SSH1: variants seen among roughly 807,000 people sequenced by gnomAD.
SSH1 encodes the protein slingshot protein phosphatase 1, also known as protein phosphatase Slingshot homolog 1.
SSH1 carries 43 observed loss-of-function variants against 79.7 expected under a neutral mutation model. The observed-to-expected ratio is 0.54, with a 90% CI of 0.42 to 0.70. SSH1 has a LOEUF of 0.70. Among genes scored for constraint, SSH1 ranks in the 30% least tolerant of loss-of-function variants. The pLI is 0.00. For missense variants in SSH1, 1,206 were observed against 1,358.8 expected (o/e 0.89, Z 1.77); for synonymous variants, 599 against 538.3 (o/e 1.11, Z -1.56).
At position 108,800,972 on chromosome 12, in the gene SSH1, A is replaced by C. The variant is rs369026045; in HGVS notation, c.1002-46T>G. On this transcript the variant is annotated intron_variant, in intron 11 of 14. Transcript: ENST00000326495. ...GAAACAAATTTGGACAATCTGAATG[A>C]GAAAGAAAAGCAAGGTAATAAAAAC... The C allele has an allele frequency of 3.9e-4, 620 of 1,572,560 alleles. 1 individual carries two copies. Among genetic ancestry groups the C allele is most frequent in the Non-Finnish European group, 5.2e-4 (597 of 1,147,250 alleles).
At position 108,811,295 on chromosome 12, in the gene SSH1, C is replaced by T; in HGVS notation, c.435G>A (p.Leu145=). 1 of 1,614,244 alleles carries T rather than the reference C, an allele frequency of 6.2e-7. No individual in the cohort carries two copies. The highest frequency in any genetic ancestry group is 8.5e-7 in the Non-Finnish European group (1 of 1,180,036). The part of the protein sequence containing the change: ...KSCTIGMVLR[L]WSDTKIHLDG... The stretch of plus-strand genomic sequence containing the variant: ...CAAGGTGGATTTTCGTGTCGCTCCA[C>T]AGTCGGAGAACCATCCCAATGGTGC... Residue 145 remains leucine, a synonymous_variant, in exon 6 of 15, where the codon CTG becomes CTA. Coordinates refer to ENST00000326495, the MANE Select transcript of SSH1 (RefSeq NM_018984.4).
intron 2 of SSH1, among the ~76,000 whole-genome samples, chr12:108,836,217 C>T (rs992344712): frequency 6.6e-6 from 1 of 151,898 alleles, no homozygotes. Flanking sequence ...AGGTACCAGT[C>T]TGAACTCATA....
At chr12:108,832,719 CCT>C (rs1379343420) in intron 2 of SSH1, among the ~76,000 whole-genome samples, 1 of 152,138 alleles carries the variant, frequency 6.6e-6, no homozygotes, top group African/African-American at 2.4e-5. Context: ...TCACAAAGAC[CCT>C]GAGTTGGGCC....
intron 2 of SSH1, among the ~76,000 whole-genome samples, chr12:108,829,758 G>A (rs1162619822): frequency 6.6e-6 from 1 of 152,196 alleles, no homozygotes; most frequent in Non-Finnish European, 1.5e-5. Context: ...AGCCTCAGCA[G>A]AGTCTAATTC....
chr12:108,845,772 C>A (rs959745855), intron 2 of SSH1, among the ~76,000 whole-genome samples: 1 of 152,214 alleles, frequency 6.6e-6, no homozygotes, highest in East Asian at 1.9e-4. Context: ...GATACAGTAA[C>A]CTATGCACAC....
chr12:108,853,880 C>T (rs1005785755), intron 1 of SSH1, among the ~76,000 whole-genome samples: 4 of 151,140 alleles, frequency 2.6e-5, no homozygotes, highest in East Asian at 1.9e-4. Flanking sequence ...GCCGAGATTG[C>T]ACCACTGCAC....
intron 13 of SSH1, among the ~76,000 whole-genome samples, chr12:108,796,191 C>T (rs1315313924): frequency 2.6e-5 from 4 of 152,206 alleles, no homozygotes; most frequent in Non-Finnish European, 4.4e-5. Context: ...GCTGGGATTA[C>T]GGGCATGAGC....
chr12:108,804,312 G>A (rs2037165400), intron 10 of SSH1, among the ~76,000 whole-genome samples: 1 of 152,248 alleles, frequency 6.6e-6, no homozygotes, highest in Admixed American at 6.5e-5. Context: ...CATAGCCGCT[G>A]AGGCTGAGGA....
intron 2 of SSH1, among the ~76,000 whole-genome samples, chr12:108,829,525 A>T (rs904932343): frequency 1.3e-5 from 2 of 152,200 alleles, no homozygotes; most frequent in African/African-American, 4.8e-5. Flanking sequence ...AGCCAGCCCA[A>T]GCTCTGATAA....
At chr12:108,790,315 T>TA (rs2036449936) in intron 14 of SSH1, among the ~76,000 whole-genome samples, 1 of 152,198 alleles carries the variant, frequency 6.6e-6, no homozygotes, top group Non-Finnish European at 1.5e-5. Context: ...CACAGCCAGC[T>TA]AATTTAATAT....
At chr12:108,811,488 G>C in intron 5 of SSH1, 160 bp from the exon 6 acceptor site, 1 of 709,204 alleles carries the variant, frequency 1.4e-6, no homozygotes, top group Admixed American at 2.0e-5. Flanking sequence ...GAAGACACAG[G>C]TCTGGGATGG....
chr12:108,807,744 GCCCAGAT>G lies in SSH1; in HGVS notation c.613_619del (p.Ile205LeufsTer57). 1 of 1,613,518 alleles carries G rather than the reference GCCCAGAT, an allele frequency of 6.2e-7. No homozygotes were observed. The highest frequency in any genetic ancestry group is 8.5e-7 in the Non-Finnish European group (1 of 1,179,706). ...GCTGATGCAGCTCTCATAGTAGGTA[GCCCAGAT>G]GAGAGCTACACCCCCGGGGAAGTAG... On this transcript the variant is annotated frameshift_variant, in exon 8 of 15. Coordinates refer to ENST00000326495, the MANE Select transcript of SSH1 (RefSeq NM_018984.4). LOFTEE classifies it high-confidence loss of function. The surrounding 1 kb of genome is among the most constrained non-coding windows in gnomAD (Gnocchi z 5.2).
Position 108,857,472 on chromosome 12 carries a change from A to G in SSH1, c.25T>C (p.Ser9Pro). The G allele has an allele frequency of 8.8e-7, 1 of 1,132,914 alleles. No homozygotes were observed. The highest frequency in any genetic ancestry group is 1.1e-6 in the Non-Finnish European group (1 of 905,546). The allele number at this position is 1,132,914 out of a possible 1,614,324, so 70.2% of individuals were successfully genotyped here. A position where few individuals can be genotyped will look rare whatever the true frequency, so the allele number is the denominator to read the frequency against. MALVTLQR[S>P]PTPSAASSSA... ...GAGGAGGCGGCGCTGGGCGTGGGCG[A>G]GCGCTGCAGGGTCACCAGGGCCATG... is the stretch of plus-strand genomic sequence containing the variant. Residue 9 changes from serine to proline, a missense_variant, in exon 1 of 15, where the codon TCG (serine) becomes CCG (proline). This residue lies in a region of SSH1 where 100 missense variants were observed against 82.3 expected (regional missense o/e 1.21). Transcript: ENST00000326495. The surrounding 1 kb of genome is among the most constrained non-coding windows in gnomAD (Gnocchi z 4.7).
intron 3 of SSH1, among the ~76,000 whole-genome samples, chr12:108,818,896 G>C (rs1397496184): frequency 6.6e-6 from 1 of 152,192 alleles, no homozygotes; most frequent in Non-Finnish European, 1.5e-5. Context: ...TGGGATTACA[G>C]GTGCCCATCA....
intron 5 of SSH1, among the ~76,000 whole-genome samples, chr12:108,811,863 A>T (rs777431360): frequency 6.6e-6 from 1 of 152,176 alleles, no homozygotes; most frequent in Non-Finnish European, 1.5e-5. Context: ...AAACAGAGGG[A>T]AAGAAAGGGC....
At chr12:108,797,218 C>G (rs982141301) in intron 13 of SSH1, among the ~76,000 whole-genome samples, 1 of 152,152 alleles carries the variant, frequency 6.6e-6, no homozygotes, top group Non-Finnish European at 1.5e-5. Flanking sequence ...CCTCTGCCCC[C>G]TGGGCTCAAG....
intron 3 of SSH1, among the ~76,000 whole-genome samples, chr12:108,819,483 T>C (rs1261857601): frequency 6.6e-6 from 1 of 152,188 alleles, no homozygotes; most frequent in Non-Finnish European, 1.5e-5. Flanking sequence ...AGCTTACACA[T>C]TTTTCTTTAT....
At chr12:108,798,306 G>C (rs747866937) in intron 13 of SSH1, among the ~76,000 whole-genome samples, 47 of 152,126 alleles carry the variant, frequency 3.1e-4, no homozygotes, top group Admixed American at 2.0e-3. Context: ...GGGATTACAG[G>C]TGTGGGCCAC....
chr12:108,810,034 C>T (rs2037498129), intron 6 of SSH1, among the ~76,000 whole-genome samples: 1 of 152,118 alleles, frequency 6.6e-6, no homozygotes, highest in Non-Finnish European at 1.5e-5. Context: ...TGAAGGCCTC[C>T]GAGAGCGTCT....
Sources: allele counts gnomAD v4.1 joint callset (sites outside exome capture counted in the v4.1 genomes callset), GRCh38; gene constraint gnomAD v4.1.1; regional missense constraint gnomAD v4.1.1; non-coding constraint Gnocchi (gnomAD v3.1); transcripts MANE v1.5; gene names NCBI Gene and HGNC (gene_info 2026-07-23, HGNC 2026-07-21).